Variants in CUBN observed in about 807,000 individuals in gnomAD.
CUBN encodes the protein cubilin, also known as 460 kDa receptor.
In CUBN, 282 loss-of-function variants were observed where a neutral mutation model predicts 405.3. The observed-to-expected ratio is 0.70, with a 90% CI of 0.63 to 0.77. The LOEUF (loss-of-function observed/expected upper bound fraction) is 0.77. Ranked by LOEUF, CUBN falls within the 30% of genes least tolerant of loss-of-function variation. The probability of loss-of-function intolerance (pLI) is 0.00; values close to 1 mark genes in which losing one functional copy is unlikely to be tolerated. For missense variants in CUBN, 4,514 were observed against 4,475.2 expected, an observed-to-expected ratio of 1.01 and a Z score of -0.25; for synonymous variants, 1,684 against 1,617.0, an observed-to-expected ratio of 1.04 and a Z score of -0.99.
intron 6 of CUBN, among the ~76,000 whole-genome samples, chr10:17,120,408 C>T (rs554696691): frequency 1.8e-4 from 27 of 152,260 alleles, no homozygotes; most frequent in Admixed American, 8.5e-4. Context: ...AGAAAGAACC[C>T]TGATTTAAAT....
intron 27 of CUBN, among the ~76,000 whole-genome samples, chr10:17,022,991 C>T (rs558586051): frequency 6.6e-5 from 10 of 152,266 alleles, no homozygotes; most frequent in Non-Finnish European, 1.2e-4. Flanking sequence ...CAGCATGTTG[C>T]GGAATTATAT....
chr10:16,876,451 G>C (rs1840503784), intron 57 of CUBN, among the ~76,000 whole-genome samples: 1 of 152,198 alleles, frequency 6.6e-6, no homozygotes, highest in African/African-American at 2.4e-5. Context: ...TTTGGGCATA[G>C]TGTTTTAAAA....
chr10:16,886,174 AT>A (rs1308518807), intron 56 of CUBN, among the ~76,000 whole-genome samples: 1 of 152,162 alleles, frequency 6.6e-6, no homozygotes, highest in South Asian at 2.1e-4. Flanking sequence ...TACACTTGGC[AT>A]TTTTTTAAGC....
rs200457480 is a variant in CUBN, at chr10:16,851,301, G to A, written c.9597C>T (p.Leu3199=). ...IIAPVNKVIH[L]TFNTFALEAA... ...CCTCCAGAGCAAATGTATTGAAGGT[G>A]AGGTGAATTACTTTGTTTACAGGTG... Residue 3199 remains leucine, a synonymous_variant, in exon 60 of 67, where the codon CTC becomes CTT. Transcript: ENST00000377833. 2.0e-4 allele frequency: 322 copies of A among 1,614,098 alleles called. No individual in the cohort carries two copies. The highest frequency in any genetic ancestry group is 1.2e-3 in the East Asian group (54 of 44,876).
At chr10:16,894,985 A>G (rs1476286253) in intron 54 of CUBN, among the ~76,000 whole-genome samples, 1 of 152,158 alleles carries the variant, frequency 6.6e-6, no homozygotes, top group Non-Finnish European at 1.5e-5. Flanking sequence ...ATGGGAAAGA[A>G]TGGACGATTG....
intron 59 of CUBN, among the ~76,000 whole-genome samples, chr10:16,862,909 T>C (rs1033487766): frequency 2.0e-5 from 3 of 152,238 alleles, no homozygotes; most frequent in Non-Finnish European, 4.4e-5. Context: ...AACTCAATTT[T>C]ATCACTTAGT....
chr10:16,889,935 CAAA>C (rs1554788544), intron 55 of CUBN, among the ~76,000 whole-genome samples: 2 of 19,898 alleles, frequency 1.0e-4, no homozygotes. Context: ...GACGCCGTGT[CAAA>C]AAAAAAAAAA....
At chr10:17,008,237 T>TGTGG (rs1564475331) in intron 28 of CUBN, among the ~76,000 whole-genome samples, 1 of 136,428 alleles carries the variant, frequency 7.3e-6, no homozygotes, top group African/African-American at 3.0e-5. Context: ...TGCCCGTGTG[T>TGTGG]GGTGTGTGTG....
rs1289426128 is a variant in CUBN, at chr10:16,914,908, T to A, written c.7351+124A>T. 6 of 843,620 alleles carry A rather than the reference T, an allele frequency of 7.1e-6. No homozygotes were observed. The South Asian group carries it at 7.3e-5, about 10-fold the overall frequency. The allele number at this position is 843,620 out of a possible 1,614,324, so 52.3% of individuals were successfully genotyped here. A position where few individuals can be genotyped will look rare whatever the true frequency, so the allele number is the denominator to read the frequency against. On this transcript the variant is annotated intron_variant, in intron 47 of 66. Coordinates refer to ENST00000377833, the MANE Select transcript of CUBN (RefSeq NM_001081.4). ...TCATTTATCACTGTGAATTTCTGAT[T>A]AAGGTCCAAGAAAATAGGGGTCATG...
At position 17,103,067 on chromosome 10, in the gene CUBN, A is replaced by G. The variant is rs941317287; in HGVS notation, c.1530+58T>C. On this transcript the variant is annotated intron_variant, in intron 13 of 66. Transcript: ENST00000377833. ...ATTTTATGTAATAAAATATACACATACTCCATATTTATATATACAAATATA... is the reference window on the plus strand; with the variant it reads ...ATTTTATGTAATAAAATATACACATGCTCCATATTTATATATACAAATATA... The G allele has an allele frequency of 1.2e-4, 108 of 922,508 alleles. 1 individual carries two copies. In the Admixed American group the frequency reaches 1.9e-3, roughly 16 times the overall value. 57.1% of individuals were successfully genotyped at this position (922,508 alleles called of 1,614,324 possible).
chr10:16,984,530 G>A (rs1833365845), intron 29 of CUBN, among the ~76,000 whole-genome samples: 2 of 152,128 alleles, frequency 1.3e-5, no homozygotes, highest in Admixed American at 6.5e-5. Flanking sequence ...TTGCAGAGGA[G>A]GACGGAGTAG....
At chr10:16,868,012 T>A (rs1840236987) in intron 59 of CUBN, among the ~76,000 whole-genome samples, 1 of 152,216 alleles carries the variant, frequency 6.6e-6, no homozygotes, top group African/African-American at 2.4e-5. Flanking sequence ...GTCTAAAGTC[T>A]GTGCTAAAGG....
chr10:17,107,671 G>C (rs1564518140), intron 10 of CUBN, among the ~76,000 whole-genome samples: 1 of 151,824 alleles, frequency 6.6e-6, no homozygotes, highest in Non-Finnish European at 1.5e-5. Context: ...CTAATTTTTT[G>C]TATTTTCAGT....
In CUBN at chr10:16,835,211, G is replaced by A; in HGVS notation, c.10181-16C>T. On this transcript the variant is annotated splice_polypyrimidine_tract_variant and intron_variant, in intron 63 of 66. Coordinates refer to ENST00000377833, the MANE Select transcript of CUBN (RefSeq NM_001081.4). Reference sequence around the variant, plus strand: ...CTGTTGCAATCTTAGAGGAAAAATAGGCATAATTAATGTACGCATTCCAAT... The same window carrying A: ...CTGTTGCAATCTTAGAGGAAAAATAAGCATAATTAATGTACGCATTCCAAT... The A allele has an allele frequency of 6.2e-7, 1 of 1,602,362 alleles. No individual in the cohort carries two copies. The highest frequency in any genetic ancestry group is 8.6e-7 in the Non-Finnish European group (1 of 1,169,314).
chr10:16,932,306 T>C (rs1305370060), intron 40 of CUBN, among the ~76,000 whole-genome samples: 1 of 152,192 alleles, frequency 6.6e-6, no homozygotes, highest in Non-Finnish European at 1.5e-5. Context: ...GCTGAGAACA[T>C]GTACATCTAA....
intron 11 of CUBN, 84 bp from the exon 12 acceptor site, chr10:17,104,689 G>A: frequency 1.4e-6 from 1 of 694,754 alleles, no homozygotes; most frequent in Non-Finnish European, 2.6e-6. Flanking sequence ...GGAATGTAGT[G>A]CCATGGAGAT....
At position 17,071,413 on chromosome 10, in the gene CUBN, T is replaced by G. The variant is rs776379766; in HGVS notation, c.2625+13A>C. 1 of 1,613,352 alleles carries G rather than the reference T, an allele frequency of 6.2e-7. No homozygotes were observed. The highest frequency in any genetic ancestry group is 1.1e-5 in the South Asian group (1 of 91,068). On this transcript the variant is annotated intron_variant, in intron 19 of 66. Transcript: ENST00000377833. ...ACAACCAAATACAAATTCAAAGATT[T>G]TTTCCCTCTTACCTCAACATAATCT...
chr10:17,046,142 C>A, intron 23 of CUBN, 48 bp from the exon 24 acceptor site: 1 of 1,518,938 alleles, frequency 6.6e-7, no homozygotes, highest in Non-Finnish European at 9.1e-7. Context: ...GACAATATTA[C>A]TGTATAAACA....
chr10:16,978,419 A>C (rs989896067), intron 31 of CUBN, among the ~76,000 whole-genome samples: 4 of 152,246 alleles, frequency 2.6e-5, no homozygotes, highest in African/African-American at 9.6e-5. Flanking sequence ...TCAGGAGAGT[A>C]GCTGGATGTT....
Sources: allele counts gnomAD v4.1 joint callset (sites outside exome capture counted in the v4.1 genomes callset), GRCh38; gene constraint gnomAD v4.1.1; transcripts MANE v1.5; gene names NCBI Gene and HGNC (gene_info 2026-07-23, HGNC 2026-07-21).